KCNB2: variants seen among roughly 807,000 people sequenced by gnomAD.
KCNB2 encodes delayed rectifier potassium channel protein.
In KCNB2, 15 loss-of-function variants were observed where a neutral mutation model predicts 61.5. The ratio of observed to expected loss-of-function variants is 0.24; its 90% CI spans 0.16 to 0.38. KCNB2 has a LOEUF of 0.38. Among genes scored for constraint, KCNB2 ranks in the 10% least tolerant of loss-of-function variants. KCNB2 has a pLI of 1.00. For missense variants in KCNB2, 828 were observed against 1,125.2 expected (o/e 0.74, Z 3.78); for synonymous variants, 457 against 446.0 (o/e 1.02, Z -0.31).
chr8:72,538,287 T>C (rs1046762308), intron 1 of KCNB2, among the ~76,000 whole-genome samples: 1 of 152,178 alleles, frequency 6.6e-6, no homozygotes, highest in Admixed American at 6.5e-5. Context: ...GTGCATTTTA[T>C]TCTTCAAGCG....
In KCNB2 at chr8:72,918,914, A is replaced by T. The variant is rs1284891727; in HGVS notation, c.580-17021A>T. ...ACAAAACTAGTCTGGCATTTAGAAA[A>T]CCTAGAAGTCTAAAAGACAACACTG... On this transcript the variant is annotated intron_variant, in intron 2 of 2. Transcript: ENST00000523207. Among the ~76,000 whole-genome samples, 4 of 152,290 alleles carry T rather than the reference A, an allele frequency of 2.6e-5. No homozygotes were observed. In the East Asian group the frequency reaches 5.8e-4, roughly 22 times the overall value.
intron 2 of KCNB2, among the ~76,000 whole-genome samples, chr8:72,839,907 C>T (rs778763652): frequency 3.3e-5 from 5 of 151,784 alleles, no homozygotes; most frequent in Non-Finnish European, 7.4e-5. Flanking sequence ...GCCACCGTGC[C>T]CAGCCTTTTT....
chr8:72,711,457 C>T (rs551981841), intron 2 of KCNB2, among the ~76,000 whole-genome samples: 2 of 152,302 alleles, frequency 1.3e-5, no homozygotes, highest in Admixed American at 1.3e-4. Flanking sequence ...AAACTGGGAA[C>T]TTCAGTAACA....
chr8:72,894,027 T>C (rs781583825), intron 2 of KCNB2, among the ~76,000 whole-genome samples: 3 of 152,206 alleles, frequency 2.0e-5, no homozygotes, highest in Non-Finnish European at 4.4e-5. Flanking sequence ...CTTTGCTCTT[T>C]TGGAGCAAAT....
intron 2 of KCNB2, among the ~76,000 whole-genome samples, chr8:72,800,431 T>C (rs1271939755): frequency 1.3e-5 from 2 of 152,204 alleles, no homozygotes; most frequent in East Asian, 1.9e-4. Context: ...TAATGATTTT[T>C]GTTATTAAAT....
At chr8:72,715,187 C>T (rs1045595050) in intron 2 of KCNB2, among the ~76,000 whole-genome samples, 2 of 152,192 alleles carry the variant, frequency 1.3e-5, no homozygotes, top group Non-Finnish European at 2.9e-5. Context: ...TACAAAGAGA[C>T]TTAGACTCCC....
At chr8:72,634,646 GA>G (rs1316730848) in intron 2 of KCNB2, among the ~76,000 whole-genome samples, 4 of 152,126 alleles carry the variant, frequency 2.6e-5, no homozygotes, top group Admixed American at 6.5e-5. Context: ...TAACTTTAAG[GA>G]AGCTGCATTT....
At chr8:72,800,855 TAG>T (rs1006187859) in intron 2 of KCNB2, among the ~76,000 whole-genome samples, 2 of 152,194 alleles carry the variant, frequency 1.3e-5, no homozygotes, top group South Asian at 2.1e-4. Flanking sequence ...CTTAAAGTGG[TAG>T]AGTTTGGCTT....
At chr8:72,601,816 A>G (rs181088943) in intron 2 of KCNB2, among the ~76,000 whole-genome samples, 50 of 152,296 alleles carry the variant, frequency 3.3e-4, no homozygotes, top group East Asian at 1.9e-4. Context: ...CACAAAAACA[A>G]TCCATTGACA....
intron 2 of KCNB2, among the ~76,000 whole-genome samples, chr8:72,737,998 A>G (rs1285459474): frequency 6.6e-6 from 1 of 152,164 alleles, no homozygotes; most frequent in Non-Finnish European, 1.5e-5. Flanking sequence ...TGTATAATCC[A>G]AGAATTTCCA....
intron 2 of KCNB2, among the ~76,000 whole-genome samples, chr8:72,645,654 T>C (rs1806118600): frequency 6.6e-6 from 1 of 152,204 alleles, no homozygotes; most frequent in Non-Finnish European, 1.5e-5. Context: ...CTCTAAATGC[T>C]ATCAGCTAAA....
intron 2 of KCNB2, among the ~76,000 whole-genome samples, chr8:72,753,977 C>T (rs763538852): frequency 1.2e-4 from 19 of 152,056 alleles, no homozygotes; most frequent in Non-Finnish European, 1.8e-4. Flanking sequence ...TGAGGGGAGG[C>T]GCCTGCAGTT....
intron 2 of KCNB2, among the ~76,000 whole-genome samples, chr8:72,910,704 G>A (rs1227920537): frequency 1.3e-5 from 2 of 152,170 alleles, no homozygotes; most frequent in Non-Finnish European, 2.9e-5. Context: ...TTCATTAGAA[G>A]GGCAGGGATA....
intron 2 of KCNB2, chr8:72,875,189 T>C (rs983442475): frequency 6.6e-6 from 1 of 152,208 alleles, no homozygotes. Context: ...TAGGCTTGGA[T>C]GATGGATGAT....
intron 1 of KCNB2, among the ~76,000 whole-genome samples, chr8:72,561,462 A>T (rs1480025159): frequency 1.3e-5 from 2 of 151,516 alleles, no homozygotes; most frequent in Non-Finnish European, 2.9e-5. Flanking sequence ...TAGTTGTGCT[A>T]AATTTGAGGA....
chr8:72,737,031 A>ATTT lies in KCNB2; in HGVS notation c.579+168728_579+168730dup, dbSNP rs200736806. Among the ~76,000 whole-genome samples the ATTT allele has an allele frequency of 6.2e-4, 89 of 143,538 alleles. No individual in the cohort carries two copies. The East Asian group carries it at 0.016, about 26-fold the overall frequency. 94.2% of individuals were successfully genotyped at this position (143,538 alleles called of 152,430 possible). ...TGTGCAGCATTGAAATGTAGTTGCT[A>ATTT]TTTTTTTTTTTTGCTCTTTTGTTAT... On this transcript the variant is annotated intron_variant, in intron 2 of 2. Coordinates refer to ENST00000523207, the MANE Select transcript of KCNB2 (RefSeq NM_004770.3).
chr8:72,883,700 C>A (rs746854192), intron 2 of KCNB2, among the ~76,000 whole-genome samples: 1 of 152,168 alleles, frequency 6.6e-6, no homozygotes, highest in African/African-American at 2.4e-5. Flanking sequence ...TTAGCAGCAG[C>A]CTAAATTATC....
chr8:72,756,423 G>T (rs940083893), intron 2 of KCNB2, among the ~76,000 whole-genome samples: 6 of 152,190 alleles, frequency 3.9e-5, no homozygotes, highest in Non-Finnish European at 8.8e-5. Flanking sequence ...GTAGTGCAAA[G>T]ACAGTGATTG....
chr8:72,625,194 T>C (rs915630087), intron 2 of KCNB2, among the ~76,000 whole-genome samples: 1 of 152,168 alleles, frequency 6.6e-6, no homozygotes, highest in African/African-American at 2.4e-5. Flanking sequence ...TGTGGTAATT[T>C]GTTATATAGA....
Sources: allele counts gnomAD v4.1 joint callset (sites outside exome capture counted in the v4.1 genomes callset), GRCh38; gene constraint gnomAD v4.1.1; transcripts MANE v1.5; gene names NCBI Gene and HGNC (gene_info 2026-07-23, HGNC 2026-07-21).